ST6GALNAC3: variants seen among roughly 807,000 people sequenced by gnomAD.
ST6GALNAC3 encodes the protein ST6 N-acetylgalactosaminide alpha-2,6-sialyltransferase 3.
ST6GALNAC3 carries 25 observed loss-of-function variants against 32.7 expected under a neutral mutation model. The ratio of observed to expected loss-of-function variants is 0.76; its 90% CI spans 0.56 to 1.07. The LOEUF (loss-of-function observed/expected upper bound fraction) is 1.07. Ranked by LOEUF, ST6GALNAC3 falls within the 50% of genes least tolerant of loss-of-function variation. ST6GALNAC3 has a pLI of 0.00. For missense variants in ST6GALNAC3, 355 were observed against 382.4 expected (o/e 0.93, Z 0.60); for synonymous variants, 129 against 133.1 (o/e 0.97, Z 0.21).
At chr1:76,104,888 A>G (rs1320609751) in intron 1 of ST6GALNAC3, among the ~76,000 whole-genome samples, 1 of 152,080 alleles carries the variant, frequency 6.6e-6, no homozygotes, top group East Asian at 1.9e-4. Context: ...CCTTTTTAAA[A>G]CCATCAGATC....
chr1:76,625,489 A>G (rs541785534), intron 3 of ST6GALNAC3, among the ~76,000 whole-genome samples: 1 of 152,086 alleles, frequency 6.6e-6, no homozygotes, highest in Non-Finnish European at 1.5e-5. Flanking sequence ...AGAGAAAAAA[A>G]AAGAATATAC....
intron 1 of ST6GALNAC3, among the ~76,000 whole-genome samples, chr1:76,234,827 T>C (rs2100648132): frequency 6.6e-6 from 1 of 152,342 alleles, no homozygotes; most frequent in Admixed American, 6.5e-5. Flanking sequence ...CCAAAGGGTC[T>C]ATGGAAGATG....
intron 1 of ST6GALNAC3, among the ~76,000 whole-genome samples, chr1:76,217,749 T>A (rs939867113): frequency 6.6e-6 from 1 of 152,216 alleles, no homozygotes; most frequent in Non-Finnish European, 1.5e-5. Flanking sequence ...CTCCCACGTA[T>A]GAGAGAGAAC....
chr1:76,558,706 A>G (rs763312270), intron 3 of ST6GALNAC3, among the ~76,000 whole-genome samples: 57 of 152,196 alleles, frequency 3.7e-4, no homozygotes, highest in Non-Finnish European at 1.2e-4. Flanking sequence ...GCTGCAATTT[A>G]CCCATGTAAC....
intron 1 of ST6GALNAC3, among the ~76,000 whole-genome samples, chr1:76,238,306 C>G: frequency 6.6e-6 from 1 of 152,110 alleles, no homozygotes; most frequent in East Asian, 1.9e-4. Flanking sequence ...ATCACTCAGA[C>G]AGATCAATAA....
chr1:76,132,724 C>T (rs1001685905), intron 1 of ST6GALNAC3, among the ~76,000 whole-genome samples: 11 of 152,264 alleles, frequency 7.2e-5, no homozygotes, highest in Admixed American at 5.2e-4. Context: ...GGCAGAGATG[C>T]GTCTCCACCA....
At chr1:76,153,870 T>G (rs1475153357) in intron 1 of ST6GALNAC3, among the ~76,000 whole-genome samples, 1 of 152,182 alleles carries the variant, frequency 6.6e-6, no homozygotes, top group Non-Finnish European at 1.5e-5. Flanking sequence ...CCCATTTTGC[T>G]GTTTGTCCAA....
At chr1:76,590,853 A>G (rs968083684) in intron 3 of ST6GALNAC3, among the ~76,000 whole-genome samples, 2 of 152,156 alleles carry the variant, frequency 1.3e-5, no homozygotes, top group Admixed American at 6.6e-5. Flanking sequence ...AACAGGGCTC[A>G]CCTTGGTTGG....
At position 76,630,553 on chromosome 1, in the gene ST6GALNAC3, T is replaced by A. The variant is rs1570493712; in HGVS notation, c.*1747T>A. The A allele has an allele frequency of 1.0e-6, 1 of 985,392 alleles. No individual in the cohort carries two copies. The highest frequency in any genetic ancestry group is 1.1e-4 in the East Asian group (1 of 8,810). 61.0% of individuals were successfully genotyped at this position (985,392 alleles called of 1,614,324 possible). ...TCAAAAGACAAAAGCCAGGCTCAAC[T>A]TATAGAATGTTTTGGAAACTGGAAG... On this transcript the variant is annotated 3_prime_UTR_variant, in exon 5 of 5. Transcript: ENST00000328299.
At chr1:76,274,900 T>C (rs1343711356) in intron 1 of ST6GALNAC3, among the ~76,000 whole-genome samples, 1 of 152,212 alleles carries the variant, frequency 6.6e-6, no homozygotes, top group Non-Finnish European at 1.5e-5. Context: ...AATTCAGACC[T>C]GGCAGAAGAC....
chr1:76,437,642 A>G (rs1294645911), intron 3 of ST6GALNAC3, among the ~76,000 whole-genome samples: 1 of 146,156 alleles, frequency 6.8e-6, no homozygotes, highest in Non-Finnish European at 1.5e-5. Context: ...CAGTGACATG[A>G]TCTCGGCTCA....
At chr1:76,531,255 G>T (rs1322794598) in intron 3 of ST6GALNAC3, among the ~76,000 whole-genome samples, 2 of 152,272 alleles carry the variant, frequency 1.3e-5, no homozygotes, top group African/African-American at 4.8e-5. Context: ...TCCTTAAAAA[G>T]CAGGCTTTTG....
At chr1:76,100,488 A>G (rs1411490251) in intron 1 of ST6GALNAC3, among the ~76,000 whole-genome samples, 2 of 152,196 alleles carry the variant, frequency 1.3e-5, no homozygotes, top group South Asian at 2.1e-4. Context: ...TGTAATGAAT[A>G]TTTGTAAAAT....
At chr1:76,219,714 A>G (rs1417556576) in intron 1 of ST6GALNAC3, among the ~76,000 whole-genome samples, 1 of 152,196 alleles carries the variant, frequency 6.6e-6, no homozygotes, top group Non-Finnish European at 1.5e-5. Flanking sequence ...GTGTCATATC[A>G]CATATGAAGT....
chr1:76,194,547 A>T (rs1654088657), intron 1 of ST6GALNAC3, among the ~76,000 whole-genome samples: 1 of 152,140 alleles, frequency 6.6e-6, no homozygotes, highest in South Asian at 2.1e-4. Context: ...AAATAATTAT[A>T]TTTCCCAAAA....
At chr1:76,507,140 G>C (rs865993012) in intron 3 of ST6GALNAC3, among the ~76,000 whole-genome samples, 109 of 152,222 alleles carry the variant, frequency 7.2e-4, no homozygotes, top group African/African-American at 2.5e-3. Context: ...GTATAAGGTA[G>C]GTGAACTTGG....
rs900969293 is a variant in ST6GALNAC3 at position 76,225,703 on chromosome 1, T to C, written c.19-88102T>C. On this transcript the variant is annotated intron_variant, in intron 1 of 4. Transcript: ENST00000328299. ...AGAGCTTGTGCAAAACTGGGGGAAA[T>C]AGTTGGCTAATAAGTTACATGCATC... Among the ~76,000 whole-genome samples the C allele has an allele frequency of 2.0e-5, 3 of 152,086 alleles. No individual in the cohort carries two copies. In the South Asian group the frequency reaches 6.2e-4, roughly 32 times the overall value.
At chr1:76,244,912 G>A (rs1051461702) in intron 1 of ST6GALNAC3, among the ~76,000 whole-genome samples, 1 of 151,940 alleles carries the variant, frequency 6.6e-6, no homozygotes, top group Non-Finnish European at 1.5e-5. Flanking sequence ...TTCTTTTTTT[G>A]TTGTGTCTCT....
At chr1:76,083,718 A>G (rs1159490813) in intron 1 of ST6GALNAC3, among the ~76,000 whole-genome samples, 1 of 152,244 alleles carries the variant, frequency 6.6e-6, no homozygotes, top group Non-Finnish European at 1.5e-5. Context: ...GGTATATCCA[A>G]AATACTTTCA....
Sources: gnomAD v4.1 joint callset for allele counts (sites outside exome capture counted in the v4.1 genomes callset) on GRCh38, gnomAD v4.1.1 for gene constraint, MANE v1.5 for transcripts, NCBI Gene and HGNC (gene_info 2026-07-23, HGNC 2026-07-21) for gene names.